VAMP3: variants seen among roughly 807,000 people sequenced by gnomAD.
VAMP3 encodes vesicle-associated membrane protein 3.
VAMP3 carries 11 observed loss-of-function variants against 18.1 expected under a neutral mutation model. The ratio of observed to expected loss-of-function variants is 0.61; its 90% CI spans 0.38 to 1.00. VAMP3 has a LOEUF of 1.00. VAMP3 is among the 50% of genes least tolerant of loss of function. VAMP3 has a pLI of 0.01. For missense variants in VAMP3, 122 were observed against 127.3 expected, an observed-to-expected ratio of 0.96 and a Z score of 0.20; for synonymous variants, 49 against 43.1, an observed-to-expected ratio of 1.14 and a Z score of -0.53.
chr1:7,773,660 G>A, intron 2 of VAMP3, 149 bp downstream of exon 2: 1 of 773,250 alleles, frequency 1.3e-6, no homozygotes, highest in East Asian at 2.8e-5. Context: ...TGCTGTGCTG[G>A]AAGATCTAAT....
At chr1:7,773,537 T>A (rs763691794) in intron 2 of VAMP3, 26 bp downstream of exon 2, 1 of 1,600,462 alleles carries the variant, frequency 6.2e-7, no homozygotes, top group Admixed American at 1.7e-5. Context: ...GTTGGAAATA[T>A]GAATTTTAAA....
chr1:7,777,361 C>G (rs769081121), intron 3 of VAMP3, 43 bp downstream of exon 3: 1 of 1,576,330 alleles, frequency 6.3e-7, no homozygotes, highest in Non-Finnish European at 8.6e-7. Flanking sequence ...CCCCCCTTCT[C>G]CATTCTCAGA....
chr1:7,773,868 A>C (rs934992754), intron 2 of VAMP3, among the ~76,000 whole-genome samples: 6 of 152,250 alleles, frequency 3.9e-5, no homozygotes, highest in African/African-American at 1.2e-4. Flanking sequence ...TGCTCAAGCC[A>C]AGACCAGTTC....
intron 2 of VAMP3, among the ~76,000 whole-genome samples, chr1:7,775,078 A>G (rs1299478746): frequency 6.6e-6 from 1 of 152,150 alleles, no homozygotes; most frequent in Non-Finnish European, 1.5e-5. Flanking sequence ...TTCCATTTTG[A>G]TTATAACCAT....
rs757684258 is a variant in VAMP3 at position 7,779,198 on chromosome 1, AAAAT to A, written c.284-416_284-413del. 5.9e-5 allele frequency among the ~76,000 whole-genome samples: 9 copies of A among 152,150 alleles called. No homozygotes were observed. In the South Asian group the frequency reaches 8.3e-4, roughly 14 times the overall value. ...TGACAGAGCAAGTCTCCGTCTCAAAAAAATAAATAAATAAAATAAATAAAAATTG... is the reference window on the plus strand; with the variant it reads ...TGACAGAGCAAGTCTCCGTCTCAAAAAAATAAATAAAATAAATAAAAATTG... On this transcript the variant is annotated intron_variant, in intron 4 of 4. Coordinates refer to ENST00000054666, the MANE Select transcript of VAMP3 (RefSeq NM_004781.4).
In VAMP3 at chr1:7,777,171, A is replaced by G; in HGVS notation, c.84A>G (p.Ile28Met). ...TQNQVDEVVD[I>M]MRVNVDKVLE... ...TCACACTCATCTAGGTGGTGGACAT[A>G]ATGCGAGTTAACGTGGACAAGGTTC... The change falls in exon 3 of 5, where the codon ATA (isoleucine) becomes ATG (methionine). Residue 28 changes from isoleucine to methionine, a missense_variant. Ile to Met is a conservative substitution (Grantham distance 10, BLOSUM62 1). Transcript: ENST00000054666. 6.2e-7 allele frequency: 1 copy of G among 1,612,226 alleles called. No individual in the cohort carries two copies. The highest frequency in any genetic ancestry group is 8.5e-7 in the Non-Finnish European group (1 of 1,179,098).
intron 4 of VAMP3, among the ~76,000 whole-genome samples, chr1:7,778,840 G>A (rs747399405): frequency 8.3e-4 from 126 of 152,036 alleles, no homozygotes; most frequent in Admixed American, 8.5e-4. Context: ...TTTGTAAAAT[G>A]GGGATAATAA....
Position 7,780,275 on chromosome 1 carries a change from T to C in VAMP3, c.*630T>C, listed in dbSNP as rs976922166. ...TTGTTTTAATCAGAGATAACCTCTT[T>C]AAAAAAATTTTTAAAGAACTATGGC... is the stretch of plus-strand genomic sequence containing the variant. On this transcript the variant is annotated 3_prime_UTR_variant, in exon 5 of 5. Coordinates refer to ENST00000054666, the MANE Select transcript of VAMP3 (RefSeq NM_004781.4). 3 of 152,792 alleles carry C rather than the reference T, an allele frequency of 2.0e-5. No homozygotes were observed. Among genetic ancestry groups the C allele is most frequent in the Admixed American group, 6.5e-5 (1 of 15,282 alleles). The allele number at this position is 152,792 out of a possible 1,614,324, so 9.5% of individuals were successfully genotyped here.
At chr1:7,773,834 A>G (rs1368431015) in intron 2 of VAMP3, among the ~76,000 whole-genome samples, 3 of 152,206 alleles carry the variant, frequency 2.0e-5, no homozygotes, top group Non-Finnish European at 4.4e-5. Flanking sequence ...GGATAATACA[A>G]TGTTAAGGAT....
chr1:7,773,153 CAGT>C (rs1426767941), intron 1 of VAMP3: 1 of 358,688 alleles, frequency 2.8e-6, no homozygotes, highest in Non-Finnish European at 5.1e-6. Context: ...CAAAAAAGGA[CAGT>C]AGAGCTTACC....
rs1226122258 is a variant in VAMP3, at chr1:7,777,329, T to G, written c.231+11T>G. 1.9e-6 allele frequency: 3 copies of G among 1,607,932 alleles called. No homozygotes were observed. Among genetic ancestry groups the G allele is most frequent in the Non-Finnish European group, 2.6e-6 (3 of 1,176,466 alleles). On this transcript the variant is annotated intron_variant, in intron 3 of 4. Coordinates refer to ENST00000054666, the MANE Select transcript of VAMP3 (RefSeq NM_004781.4). ...TGGAAGAATTGCAAGGTAATTATCT[T>G]TTAACTGACCTTTACATTTAACCCC...
intron 2 of VAMP3, chr1:7,776,459 A>G (rs1367148777): frequency 6.6e-6 from 1 of 152,216 alleles, no homozygotes; most frequent in Non-Finnish European, 1.5e-5. Context: ...ATCTGCAAAT[A>G]CAGATAGGTT....
rs1424861447 is a variant in VAMP3, at chr1:7,779,949, C to G, written c.*304C>G. The G allele has an allele frequency of 6.1e-6, 2 of 325,886 alleles. No individual in the cohort carries two copies. The highest frequency in any genetic ancestry group is 1.1e-5 in the Non-Finnish European group (2 of 177,920). The allele number at this position is 325,886 out of a possible 1,614,324, so 20.2% of individuals were successfully genotyped here. A position where few individuals can be genotyped will look rare whatever the true frequency, so the allele number is the denominator to read the frequency against. ...TGTCACTAATTAATTGCCATTACTC[C>G]CAGTTAGTTACCCTTGTCATTTGGC... On this transcript the variant is annotated 3_prime_UTR_variant, in exon 5 of 5. Transcript: ENST00000054666.
chr1:7,776,203 A>G (rs2097054210), intron 2 of VAMP3, among the ~76,000 whole-genome samples: 1 of 152,202 alleles, frequency 6.6e-6, no homozygotes, highest in South Asian at 2.1e-4. Flanking sequence ...TCTCTTAGCA[A>G]TGTTTTCTAG....
In VAMP3 at chr1:7,777,280, G is replaced by A; in HGVS notation, c.193G>A (p.Ala65Thr). 6 of 1,613,650 alleles carry A rather than the reference G, an allele frequency of 3.7e-6. No individual in the cohort carries two copies. Among genetic ancestry groups the A allele is most frequent in the Non-Finnish European group, 5.1e-6 (6 of 1,179,844 alleles). Residue 65 changes from alanine (A) to threonine (T), a missense_variant, in exon 3 of 5, where the codon GCC becomes ACC. Coordinates refer to ENST00000054666, the MANE Select transcript of VAMP3 (RefSeq NM_004781.4). The stretch of plus-strand genomic sequence containing the variant: ...CGCTTCTCAATTTGAAACGAGCGCA[G>A]CCAAGTTGAAGAGGAAATATTGGTG... ...AGASQFETSA[A>T]KLKRKYWWKN...
In VAMP3 at chr1:7,780,548, G is replaced by A. The variant is rs778813460; in HGVS notation, c.*903G>A. 2.0e-5 allele frequency: 3 copies of A among 152,370 alleles called. No homozygotes were observed. Among genetic ancestry groups the A allele is most frequent in the Non-Finnish European group, 4.4e-5 (3 of 68,040 alleles). The allele number at this position is 152,370 out of a possible 1,614,324, so 9.4% of individuals were successfully genotyped here. ...TGGGGGTTAGAGAAGGTTTGAGGTA[G>A]ACTCTGACCGTCTCATAAAAGAGTT... On this transcript the variant is annotated 3_prime_UTR_variant, in exon 5 of 5. Transcript: ENST00000054666.
At position 7,777,303 on chromosome 1, in the gene VAMP3, G is replaced by A; in HGVS notation, c.216G>A (p.Trp72Ter). 6.2e-7 allele frequency: 1 copy of A among 1,611,916 alleles called. No individual in the cohort carries two copies. Among genetic ancestry groups the A allele is most frequent in the Non-Finnish European group, 8.5e-7 (1 of 1,179,004 alleles). ...CAGCCAAGTTGAAGAGGAAATATTG[G>A]TGGAAGAATTGCAAGGTAATTATCT... is the stretch of plus-strand genomic sequence containing the variant. ...TSAAKLKRKY[W>*]WKNCKMWAIG... Residue 72 changes from tryptophan to a stop codon, truncating the protein, a stop_gained, in exon 3 of 5, where the codon TGG (tryptophan) becomes TGA (stop). Transcript: ENST00000054666. LOFTEE classifies it high-confidence loss of function.
chr1:7,777,411 G>A, intron 3 of VAMP3, 93 bp downstream of exon 3: 2 of 1,466,020 alleles, frequency 1.4e-6, no homozygotes, highest in Non-Finnish European at 1.8e-6. Flanking sequence ...CACGACTCTG[G>A]GAGGTGGGTT....
In VAMP3 at chr1:7,773,488, C is replaced by T; in HGVS notation, c.49C>T (p.Gln17Ter). 6.2e-7 allele frequency: 1 copy of T among 1,614,028 alleles called. No homozygotes were observed. Among genetic ancestry groups the T allele is most frequent in the East Asian group, 2.2e-5 (1 of 44,862 alleles). ...AATGSNRRLQ[Q>*]TQNQVDEVVD... ...CACTGGCAGTAATCGAAGACTTCAG[C>T]AGACACAAAATCAAGTAGATGAGGT... The change falls in exon 2 of 5, where the codon CAG becomes TAG. Residue 17 changes from glutamine to a stop codon, truncating the protein, a stop_gained. Transcript: ENST00000054666. LOFTEE classifies it high-confidence loss of function.
Sources: gnomAD v4.1 joint callset for allele counts (sites outside exome capture counted in the v4.1 genomes callset) on GRCh38, gnomAD v4.1.1 for gene constraint, MANE v1.5 for transcripts, NCBI Gene and HGNC (gene_info 2026-07-23, HGNC 2026-07-21) for gene names.